Variants in DENND4C observed in about 807,000 individuals in gnomAD.
DENND4C encodes the protein DENN domain-containing protein 4C.
Under a neutral mutation model 203.0 loss-of-function variants are expected in DENND4C, and 108 were observed. That is an observed-to-expected ratio of 0.53 (90% CI 0.46 to 0.62). DENND4C has a LOEUF of 0.62. Ranked by LOEUF, DENND4C falls within the 20% of genes least tolerant of loss-of-function variation. The probability of loss-of-function intolerance (pLI) is 0.00; values close to 1 mark genes in which losing one functional copy is unlikely to be tolerated. For synonymous variants in DENND4C, 871 were observed against 792.4 expected (o/e 1.10, Z -1.67); for missense variants, 2,481 against 2,301.2 (o/e 1.08, Z -1.60).
intron 5 of DENND4C, among the ~76,000 whole-genome samples, chr9:19,294,874 C>G (rs1185398512): frequency 2.6e-5 from 4 of 151,992 alleles, no homozygotes; most frequent in African/African-American, 9.7e-5. Flanking sequence ...TAGAGATTAC[C>G]AGGGACTTGG....
intron 15 of DENND4C, among the ~76,000 whole-genome samples, chr9:19,327,330 C>G (rs1818038192): frequency 6.6e-6 from 1 of 151,878 alleles, no homozygotes. Context: ...AAATGCAAAC[C>G]AAAATGATGA....
At chr9:19,295,121 C>T (rs1367457980) in intron 5 of DENND4C, among the ~76,000 whole-genome samples, 2 of 151,858 alleles carry the variant, frequency 1.3e-5, no homozygotes, top group Non-Finnish European at 2.9e-5. Context: ...CCTATAATCC[C>T]AGCACTTTGG....
chr9:19,232,890 T>C (rs1329091093), intron 1 of DENND4C, among the ~76,000 whole-genome samples: 2 of 152,178 alleles, frequency 1.3e-5, no homozygotes, highest in African/African-American at 4.8e-5. Context: ...TTGCTCTTTG[T>C]GTATCTGCCA....
At chr9:19,352,736 A>G in intron 26 of DENND4C, 71 bp downstream of exon 26, 1 of 1,265,074 alleles carries the variant, frequency 7.9e-7, no homozygotes, top group Non-Finnish European at 1.1e-6. Context: ...GAAGAGTGAA[A>G]TATTCCTGGT....
intron 1 of DENND4C, among the ~76,000 whole-genome samples, chr9:19,257,427 A>G (rs185422044): frequency 1.3e-5 from 2 of 152,164 alleles, no homozygotes; most frequent in Admixed American, 1.3e-4. Flanking sequence ...TTAGGAAATG[A>G]TTTGTAGCAC....
intron 30 of DENND4C, 147 bp downstream of exon 30, chr9:19,362,110 T>A: frequency 3.9e-6 from 2 of 514,098 alleles, no homozygotes; most frequent in Non-Finnish European, 6.9e-6. Flanking sequence ...CCTGTCTCTA[T>A]TAAAAATACA....
chr9:19,345,335 T>G (rs144342393), intron 22 of DENND4C, among the ~76,000 whole-genome samples: 310 of 152,376 alleles, frequency 2.0e-3, no homozygotes, highest in African/African-American at 6.9e-3. Flanking sequence ...GCCTTTATAT[T>G]CCTAGCACCT....
chr9:19,279,424 C>T (rs1036586885), intron 2 of DENND4C, among the ~76,000 whole-genome samples: 1 of 151,862 alleles, frequency 6.6e-6, no homozygotes, highest in African/African-American at 2.4e-5. Flanking sequence ...CCTGTAATCC[C>T]AGCACTTTGG....
intron 10 of DENND4C, among the ~76,000 whole-genome samples, chr9:19,310,327 G>C (rs1172070773): frequency 6.6e-6 from 1 of 152,202 alleles, no homozygotes; most frequent in Non-Finnish European, 1.5e-5. Context: ...TAATTTCAAA[G>C]GGGATACTTT....
At chr9:19,356,367 A>G (rs1825398206) in intron 26 of DENND4C, among the ~76,000 whole-genome samples, 1 of 152,170 alleles carries the variant, frequency 6.6e-6, no homozygotes, top group South Asian at 2.1e-4. Flanking sequence ...AAATGCATGT[A>G]TTTGTGCAAA....
chr9:19,348,802 A>G (rs1259958640), intron 23 of DENND4C, among the ~76,000 whole-genome samples: 1 of 151,918 alleles, frequency 6.6e-6, no homozygotes, highest in African/African-American at 2.4e-5. Context: ...GAAAAAAAAA[A>G]GTGTATCATT....
Position 19,268,284 on chromosome 9 carries a change from G to A in DENND4C, c.-17-7874G>A, listed in dbSNP as rs925248489. 7.2e-5 allele frequency among the ~76,000 whole-genome samples: 11 copies of A among 152,124 alleles called. No homozygotes were observed. In the South Asian group the frequency reaches 1.5e-3, roughly 20 times the overall value. On this transcript the variant is annotated intron_variant, in intron 1 of 32. Coordinates refer to ENST00000434457, the MANE Select transcript of DENND4C (RefSeq NM_001330640.2). The stretch of plus-strand genomic sequence containing the variant: ...CTGGCGAATTTTTGTATTTTTTGTA[G>A]AGACGGGGTTTTGCCATGTTGTCCA...
intron 8 of DENND4C, among the ~76,000 whole-genome samples, chr9:19,299,922 C>T (rs1838211835): frequency 6.6e-6 from 1 of 152,196 alleles, no homozygotes; most frequent in African/African-American, 2.4e-5. Context: ...CACCCCTTCA[C>T]TCCCATCCTT....
chr9:19,368,548 G>C (rs1828155205), intron 30 of DENND4C, among the ~76,000 whole-genome samples: 2 of 152,204 alleles, frequency 1.3e-5, no homozygotes, highest in South Asian at 2.1e-4. Flanking sequence ...AATCAGGCTA[G>C]CACTTTTGGA....
At chr9:19,234,761 T>A (rs1325177536) in intron 1 of DENND4C, among the ~76,000 whole-genome samples, 1 of 151,944 alleles carries the variant, frequency 6.6e-6, no homozygotes, top group South Asian at 2.1e-4. Context: ...CAGGCTGGTC[T>A]TGAACTCTAA....
intron 1 of DENND4C, among the ~76,000 whole-genome samples, chr9:19,233,801 C>G (rs1006214284): frequency 6.6e-6 from 1 of 152,128 alleles, no homozygotes; most frequent in Non-Finnish European, 1.5e-5. Context: ...CTATGTTGGC[C>G]AGGTGGCCTG....
intron 24 of DENND4C, among the ~76,000 whole-genome samples, chr9:19,351,816 A>G (rs904944069): frequency 8.8e-5 from 13 of 147,594 alleles, no homozygotes; most frequent in African/African-American, 3.5e-4. Flanking sequence ...AAAAAAAAAA[A>G]AAAGAAAAGA....
intron 26 of DENND4C, 94 bp from the exon 27 acceptor site, chr9:19,356,878 A>T: frequency 8.6e-7 from 1 of 1,169,364 alleles, no homozygotes; most frequent in South Asian, 1.5e-5. Flanking sequence ...TTTATTAATG[A>T]CTGCTTTAGC....
intron 1 of DENND4C, among the ~76,000 whole-genome samples, chr9:19,263,810 C>T (rs1829930332): frequency 6.6e-6 from 1 of 151,976 alleles, no homozygotes; most frequent in Non-Finnish European, 1.5e-5. Context: ...CGCCCACCAC[C>T]ACGCCCGGCT....
Sources: allele counts gnomAD v4.1 joint callset (sites outside exome capture counted in the v4.1 genomes callset), GRCh38; gene constraint gnomAD v4.1.1; transcripts MANE v1.5; gene names NCBI Gene and HGNC (gene_info 2026-07-23, HGNC 2026-07-21).